Variants in ADAMTS9 observed in about 807,000 individuals in gnomAD.
The protein encoded by ADAMTS9 is ADAM metallopeptidase with thrombospondin type 1 motif 9.
A neutral mutation model predicts 257.1 loss-of-function variants in ADAMTS9; 107 were observed. The observed-to-expected ratio is 0.42, with a 90% CI of 0.36 to 0.49. The LOEUF (loss-of-function observed/expected upper bound fraction) is 0.49. ADAMTS9 is among the 20% of genes least tolerant of loss of function. The pLI is 0.03. For synonymous variants in ADAMTS9, 982 were observed against 880.9 expected (o/e 1.11, Z -2.03); for missense variants, 2,353 against 2,469.1 (o/e 0.95, Z 1.00).
chr3:64,546,394 G>T (rs761791948), intron 32 of ADAMTS9, among the ~76,000 whole-genome samples: 1 of 152,078 alleles, frequency 6.6e-6, no homozygotes, highest in Non-Finnish European at 1.5e-5. Flanking sequence ...TTTGGATTTT[G>T]GATTTCTGGA....
At position 64,616,182 on chromosome 3, in the gene ADAMTS9, T is replaced by C. The variant is rs771126138; in HGVS notation, c.2814-12A>G. The C allele has an allele frequency of 1.2e-6, 2 of 1,613,846 alleles. No individual in the cohort carries two copies. Among genetic ancestry groups the C allele is most frequent in the East Asian group, 4.5e-5 (2 of 44,866 alleles). ...TGGCAACATGCCACCTATGCAAAAA[T>C]AATGGGGCAAAACCAACATTTCTGT... On this transcript the variant is annotated splice_polypyrimidine_tract_variant and intron_variant, in intron 19 of 39. Coordinates refer to ENST00000498707, the MANE Select transcript of ADAMTS9 (RefSeq NM_182920.2).
intron 11 of ADAMTS9, among the ~76,000 whole-genome samples, chr3:64,643,379 A>G (rs1700705681): frequency 6.6e-6 from 1 of 151,656 alleles, no homozygotes; most frequent in Non-Finnish European, 1.5e-5. Flanking sequence ...TAATTTTAAT[A>G]TATTTAGCCC....
intron 3 of ADAMTS9, among the ~76,000 whole-genome samples, chr3:64,661,337 C>T (rs1173221238): frequency 7.0e-6 from 1 of 143,706 alleles, no homozygotes; most frequent in Non-Finnish European, 1.5e-5. Context: ...CATACCAGGA[C>T]CAAATCAATT....
chr3:64,654,292 G>C, intron 8 of ADAMTS9, 61 bp downstream of exon 8: 1 of 1,488,246 alleles, frequency 6.7e-7, no homozygotes, highest in Non-Finnish European at 9.2e-7. Flanking sequence ...GCTCACTGAT[G>C]CGAAGGAATA....
chr3:64,555,299 G>A (rs2083319126), intron 30 of ADAMTS9, among the ~76,000 whole-genome samples: 1 of 152,214 alleles, frequency 6.6e-6, no homozygotes, highest in Non-Finnish European at 1.5e-5. Flanking sequence ...CTCCCAAATA[G>A]TATATATTTG....
intron 3 of ADAMTS9, among the ~76,000 whole-genome samples, chr3:64,672,434 G>A (rs895019454): frequency 6.6e-6 from 1 of 152,176 alleles, no homozygotes; most frequent in Non-Finnish European, 1.5e-5. Context: ...TGTAATCCCA[G>A]CATTTTGGGA....
chr3:64,635,208 G>C (rs958630242), intron 12 of ADAMTS9, among the ~76,000 whole-genome samples: 7 of 152,146 alleles, frequency 4.6e-5, no homozygotes, highest in South Asian at 2.1e-4. Flanking sequence ...AGAGAAGCTT[G>C]TCCTGATACT....
At chr3:64,623,600 G>T (rs189520371) in intron 16 of ADAMTS9, among the ~76,000 whole-genome samples, 2 of 152,294 alleles carry the variant, frequency 1.3e-5, no homozygotes, top group Non-Finnish European at 2.9e-5. Flanking sequence ...ACTATGTCCT[G>T]AGATAATTTG....
At position 64,687,252 on chromosome 3, in the gene ADAMTS9, G is replaced by A. The variant is rs190998783; in HGVS notation, c.116-284C>T. Among the ~76,000 whole-genome samples the A allele has an allele frequency of 2.0e-5, 3 of 152,256 alleles. No homozygotes were observed. Among genetic ancestry groups the A allele is most frequent in the Admixed American group, 2.0e-4 (3 of 15,292 alleles). The stretch of plus-strand genomic sequence containing the variant: ...TAACCTGAATAAAATAAAACATGAC[G>A]CTATCTGGTGCCCCCAATTACTAAG... On this transcript the variant is annotated intron_variant, in intron 1 of 39. Coordinates refer to ENST00000498707, the MANE Select transcript of ADAMTS9 (RefSeq NM_182920.2). This position sits in a 1 kb window ranked among gnomAD's most constrained non-coding sequence, Gnocchi z 4.4.
chr3:64,649,952 G>T, intron 9 of ADAMTS9, 174 bp from the exon 10 acceptor site: 1 of 819,028 alleles, frequency 1.2e-6, no homozygotes, highest in Non-Finnish European at 1.8e-6. Context: ...TTACATTTTT[G>T]CTGTTTACTT....
At chr3:64,590,294 G>A (rs2084237414) in intron 28 of ADAMTS9, among the ~76,000 whole-genome samples, 1 of 152,094 alleles carries the variant, frequency 6.6e-6, no homozygotes, top group Non-Finnish European at 1.5e-5. Context: ...ATTTGAGGGA[G>A]GGGTTGTACA....
At chr3:64,633,909 A>G in intron 12 of ADAMTS9, 30 bp from the exon 13 acceptor site, 13 of 1,574,056 alleles carry the variant, frequency 8.3e-6, no homozygotes, top group Non-Finnish European at 1.1e-5. Flanking sequence ...AAGAGCACAC[A>G]CACTGTATTA....
In ADAMTS9 at chr3:64,613,439, T is replaced by C. The variant is rs370301879; in HGVS notation, c.3260A>G (p.Asn1087Ser). The C allele has an allele frequency of 3.7e-6, 6 of 1,613,926 alleles. No homozygotes were observed. In the African/African-American group the frequency reaches 8.0e-5, roughly 22 times the overall value. ...GGTCTCAGGGTCACACATTCTATCA[T>C]TTAATCGATCTTCACCAAACTGACA... ...VWCQFGEDRL[N>S]DRMCDPETKP... The change falls in exon 22 of 40, where the codon AAT (asparagine) becomes AGT (serine). Residue 1087 changes from asparagine (N) to serine (S), a missense_variant. Asn to Ser is a conservative substitution (Grantham distance 46, BLOSUM62 1). Transcript: ENST00000498707.
chr3:64,641,631 A>G (rs1298997452), intron 12 of ADAMTS9, among the ~76,000 whole-genome samples: 3 of 151,606 alleles, frequency 2.0e-5, no homozygotes, highest in Non-Finnish European at 2.9e-5. Context: ...TTGGTAGATA[A>G]AACTTTGAAT....
At chr3:64,595,662 A>G (rs868016363) in intron 27 of ADAMTS9, among the ~76,000 whole-genome samples, 37 of 152,314 alleles carry the variant, frequency 2.4e-4, no homozygotes, top group Non-Finnish European at 2.8e-4. Flanking sequence ...CATAACTGTC[A>G]ATGAAAGTCA....
At chr3:64,574,794 G>T (rs2083793164) in intron 28 of ADAMTS9, among the ~76,000 whole-genome samples, 1 of 151,964 alleles carries the variant, frequency 6.6e-6, no homozygotes, top group Non-Finnish European at 1.5e-5. Flanking sequence ...TGGAAAAATG[G>T]CCTGGTTAAG....
rs140269259 is a variant in ADAMTS9, at chr3:64,546,757, C to G, written c.5064+1G>C. On this transcript the variant is annotated splice_donor_variant, in intron 32 of 39. Transcript: ENST00000498707. LOFTEE classifies it high-confidence loss of function. ...ATTTGAGTGCTCAGTCTTCTACTTA[C>G]GCTCCCCCAGTTGCCAACTCTCCAG... 6.3e-7 allele frequency: 1 copy of G among 1,594,290 alleles called. No individual in the cohort carries two copies. The highest frequency in any genetic ancestry group is 1.7e-5 in the Admixed American group (1 of 58,256).
chr3:64,518,098 C>G (rs181947214), intron 39 of ADAMTS9, among the ~76,000 whole-genome samples: 18 of 152,302 alleles, frequency 1.2e-4, no homozygotes, highest in South Asian at 2.1e-4. Flanking sequence ...AATCCTAGAG[C>G]TGCCCAGGAC....
At chr3:64,597,580 G>C (rs1200520529) in intron 26 of ADAMTS9, among the ~76,000 whole-genome samples, 1 of 152,088 alleles carries the variant, frequency 6.6e-6, no homozygotes, top group Non-Finnish European at 1.5e-5. Flanking sequence ...GGTGGCTAAT[G>C]GTAGTAAGAC....
Sources: gnomAD v4.1 joint callset for allele counts (sites outside exome capture counted in the v4.1 genomes callset) on GRCh38, gnomAD v4.1.1 for gene constraint, Gnocchi (gnomAD v3.1) non-coding constraint, MANE v1.5 for transcripts, NCBI Gene and HGNC (gene_info 2026-07-23, HGNC 2026-07-21) for gene names.